TSPEAR: variants seen among roughly 807,000 people sequenced by gnomAD.
The protein encoded by TSPEAR is thrombospondin type laminin G domain and EAR repeats.
TSPEAR carries 69 observed loss-of-function variants against 71.6 expected under a neutral mutation model. That is an observed-to-expected ratio of 0.96 (90% CI 0.79 to 1.18). TSPEAR has a LOEUF of 1.18. Ranked by LOEUF, TSPEAR falls within the 50% of genes most tolerant of loss-of-function variation. The pLI is 0.00. For synonymous variants in TSPEAR, 402 were observed against 387.2 expected, an observed-to-expected ratio of 1.04 and a Z score of -0.45; for missense variants, 971 against 894.9, an observed-to-expected ratio of 1.09 and a Z score of -1.09.
At chr21:44,592,150 G>A in intron 1 of TSPEAR, 3 of 1,566,740 alleles carry the variant, frequency 1.9e-6, no homozygotes, top group Non-Finnish European at 2.6e-6. Context: ...GCAGCAGACG[G>A]GCACGCAGCA....
At chr21:44,556,831 A>C (rs760492804) in intron 2 of TSPEAR, among the ~76,000 whole-genome samples, 16 of 152,218 alleles carry the variant, frequency 1.1e-4, no homozygotes, top group Non-Finnish European at 1.9e-4. Flanking sequence ...AAAAGGAATA[A>C]AGAATTACAG....
chr21:44,590,093 C>T (rs962421804), intron 1 of TSPEAR, among the ~76,000 whole-genome samples: 1 of 152,226 alleles, frequency 6.6e-6, no homozygotes, highest in Admixed American at 6.5e-5. Context: ...GTGAGCGAGG[C>T]GGCTGTGCTG....
chr21:44,582,860 C>T (rs1211057), intron 1 of TSPEAR, among the ~76,000 whole-genome samples: 143,465 of 151,786 alleles, frequency 0.95, 67,951 homozygotes, highest in Non-Finnish European at 0.97. Flanking sequence ...TTTTGACACA[C>T]AGTCTCACTC....
rs144571530 is a variant in TSPEAR at position 44,499,850 on chromosome 21, C to T, written c.1943G>A (p.Gly648Asp). 1.2e-6 allele frequency: 2 copies of T among 1,600,110 alleles called. No homozygotes were observed. The highest frequency in any genetic ancestry group is 1.7e-5 in the Admixed American group (1 of 58,638). ...RDWEAFSTTA[G>D]AYLIYSSAKE... ...GGCGCTGGAGTAGATGAGGTAGGCA[C>T]CAGCCGTGGTGCTGAAGGCCTCCCA... Residue 648 changes from glycine (G) to aspartate (D), a missense_variant, in exon 12 of 12, where the codon GGT becomes GAT. Coordinates refer to ENST00000323084, the MANE Select transcript of TSPEAR (RefSeq NM_144991.3).
At chr21:44,634,545 A>C (rs1555936267) in intron 1 of TSPEAR, among the ~76,000 whole-genome samples, 1 of 152,258 alleles carries the variant, frequency 6.6e-6, no homozygotes, top group African/African-American at 2.4e-5. Flanking sequence ...AGAGTAAAAC[A>C]ACCCACACAA....
intron 2 of TSPEAR, among the ~76,000 whole-genome samples, chr21:44,538,456 C>T (rs1157993630): frequency 4.6e-5 from 7 of 150,578 alleles, no homozygotes; most frequent in African/African-American, 1.7e-4. Context: ...ACCTGGGCAG[C>T]GCCAGGGTTT....
At chr21:44,553,001 G>C (rs2053469400) in intron 2 of TSPEAR, among the ~76,000 whole-genome samples, 2 of 152,356 alleles carry the variant, frequency 1.3e-5, no homozygotes, top group South Asian at 4.1e-4. Flanking sequence ...GGAGTATGAG[G>C]GGGAGGGTCC....
intron 1 of TSPEAR, chr21:44,666,584 C>G (rs1985776054): frequency 6.2e-7 from 1 of 1,612,742 alleles, no homozygotes; most frequent in Non-Finnish European, 8.5e-7. Context: ...ACAGGGAGGA[C>G]TGGCAGGAGG....
At chr21:44,511,319 C>A (rs1280378681) in intron 9 of TSPEAR, among the ~76,000 whole-genome samples, 3 of 152,106 alleles carry the variant, frequency 2.0e-5, no homozygotes, top group Non-Finnish European at 1.5e-5. Context: ...ACATGCACGC[C>A]TGCATGCATG....
At chr21:44,655,589 C>T (rs1338578344) in intron 1 of TSPEAR, among the ~76,000 whole-genome samples, 2 of 152,218 alleles carry the variant, frequency 1.3e-5, no homozygotes, top group Non-Finnish European at 2.9e-5. Flanking sequence ...TCCTCTCCCT[C>T]GCTGTGGGTC....
chr21:44,555,082 A>C (rs2053504213), intron 2 of TSPEAR, among the ~76,000 whole-genome samples: 2 of 152,250 alleles, frequency 1.3e-5, no homozygotes, highest in South Asian at 4.1e-4. Flanking sequence ...TAGAAGAGAA[A>C]AAACAAACCG....
In TSPEAR at chr21:44,637,234, T is replaced by C. The variant is rs2146218157; in HGVS notation, c.83-69229A>G. 1.9e-5 allele frequency: 15 copies of C among 805,190 alleles called. No individual in the cohort carries two copies. In the South Asian group the frequency reaches 2.3e-4, roughly 12 times the overall value. The allele number at this position is 805,190 out of a possible 1,614,324, so 49.9% of individuals were successfully genotyped here. A position where few individuals can be genotyped will look rare whatever the true frequency, so the allele number is the denominator to read the frequency against. ...CAAGTCATGGCAAAGGAAGCAGAAA[T>C]AATGAGGGTCCTCCCGGCTCCAAAC... On this transcript the variant is annotated intron_variant, in intron 1 of 11. Coordinates refer to ENST00000323084, the MANE Select transcript of TSPEAR (RefSeq NM_144991.3).
chr21:44,612,285 C>A lies in TSPEAR; in HGVS notation c.83-44280G>T, dbSNP rs781983764. On this transcript the variant is annotated intron_variant, in intron 1 of 11. Coordinates refer to ENST00000323084, the MANE Select transcript of TSPEAR (RefSeq NM_144991.3). The surrounding 1 kb of genome is among the most constrained non-coding windows in gnomAD (Gnocchi z 4.1). ...CGCTCCTGTGCCTCCAGCTGCTGTA[C>A]CCCTAGCTGCTGTGCCCCAGCCCCC... 6.2e-6 allele frequency: 10 copies of A among 1,613,410 alleles called. No individual in the cohort carries two copies. The highest frequency in any genetic ancestry group is 8.5e-6 in the Non-Finnish European group (10 of 1,179,998).
chr21:44,538,383 A>T (rs1294933533), intron 2 of TSPEAR, among the ~76,000 whole-genome samples: 1 of 149,144 alleles, frequency 6.7e-6, no homozygotes, highest in Non-Finnish European at 1.5e-5. Flanking sequence ...ATCTGTGGGA[A>T]CCCAGGCTCC....
chr21:44,507,844 CCT>C (rs1422659542), intron 10 of TSPEAR, among the ~76,000 whole-genome samples: 1 of 152,254 alleles, frequency 6.6e-6, no homozygotes, highest in Non-Finnish European at 1.5e-5. Context: ...CCGCCCCGTG[CCT>C]GTTTCTCCTG....
intron 11 of TSPEAR, among the ~76,000 whole-genome samples, chr21:44,501,902 T>G (rs2052039588): frequency 6.6e-6 from 1 of 152,192 alleles, no homozygotes; most frequent in Non-Finnish European, 1.5e-5. Context: ...ACAGGTGCAG[T>G]TAGAAAGCCC....
intron 1 of TSPEAR, chr21:44,681,608 AT>A (rs782286380): frequency 3.2e-4 from 171 of 534,138 alleles, no homozygotes; most frequent in South Asian, 8.7e-4. Context: ...TTTGACTCTC[AT>A]GGGGTCAGAG....
intron 1 of TSPEAR, among the ~76,000 whole-genome samples, chr21:44,688,717 A>T (rs1232091149): frequency 6.6e-6 from 1 of 152,112 alleles, no homozygotes; most frequent in East Asian, 1.9e-4. Context: ...TCAAAGAAAA[A>T]AAAATGAAAA....
intron 2 of TSPEAR, among the ~76,000 whole-genome samples, chr21:44,552,555 G>C (rs2053460121): frequency 6.6e-6 from 1 of 152,176 alleles, no homozygotes; most frequent in East Asian, 1.9e-4. Context: ...GCAGGCCCCT[G>C]GTCACCAGAA....
Sources: allele counts gnomAD v4.1 joint callset (sites outside exome capture counted in the v4.1 genomes callset), GRCh38; gene constraint gnomAD v4.1.1; non-coding constraint Gnocchi (gnomAD v3.1); transcripts MANE v1.5; gene names NCBI Gene and HGNC (gene_info 2026-07-23, HGNC 2026-07-21).